DEPTOR: variants seen among roughly 807,000 people sequenced by gnomAD.
DEPTOR encodes the protein DEP domain containing MTOR interacting protein.
In DEPTOR, 41 loss-of-function variants were observed where a neutral mutation model predicts 41.6. The observed-to-expected ratio is 0.98, with a 90% CI of 0.77 to 1.28. The LOEUF (loss-of-function observed/expected upper bound fraction) is 1.28, where lower values mean the gene tolerates loss of function less well. DEPTOR is among the 50% of genes most tolerant of loss of function. DEPTOR has a pLI of 0.00. For missense variants in DEPTOR, 514 were observed against 527.9 expected, an observed-to-expected ratio of 0.97 and a Z score of 0.26; for synonymous variants, 195 against 192.3, an observed-to-expected ratio of 1.01 and a Z score of -0.12.
chr8:120,015,270 C>CCTGCCTAGGGCTGA (rs1812591670), intron 8 of DEPTOR, among the ~76,000 whole-genome samples: 5 of 152,156 alleles, frequency 3.3e-5, no homozygotes, highest in Non-Finnish European at 7.3e-5. Flanking sequence ...TAGCTGGTTC[C>CCTGCCTAGGGCTGA]ATTGTTGTCC....
chr8:119,949,745 TC>T (rs1293929097), intron 3 of DEPTOR, among the ~76,000 whole-genome samples: 1 of 152,178 alleles, frequency 6.6e-6, no homozygotes, highest in Non-Finnish European at 1.5e-5. Context: ...AGTGGCGTGA[TC>T]TTGGCTGACT....
At chr8:120,027,702 G>C (rs1586664190) in intron 8 of DEPTOR, among the ~76,000 whole-genome samples, 1 of 149,760 alleles carries the variant, frequency 6.7e-6, no homozygotes, top group Non-Finnish European at 1.5e-5. Context: ...TGAGACTCCA[G>C]CTCAAAAAAA....
At chr8:119,964,628 G>A (rs1378945086) in intron 3 of DEPTOR, among the ~76,000 whole-genome samples, 1 of 151,532 alleles carries the variant, frequency 6.6e-6, no homozygotes, top group African/African-American at 2.4e-5. Flanking sequence ...AGAAATACTA[G>A]CTTTTTCAGA....
chr8:119,895,667 C>T (rs1827511342), intron 1 of DEPTOR, among the ~76,000 whole-genome samples: 1 of 152,150 alleles, frequency 6.6e-6, no homozygotes, highest in African/African-American at 2.4e-5. Context: ...TAGTCCCAGC[C>T]CACCCACAGC....
At chr8:119,877,539 A>G (rs979555733) in intron 1 of DEPTOR, among the ~76,000 whole-genome samples, 3 of 152,090 alleles carry the variant, frequency 2.0e-5, no homozygotes, top group Non-Finnish European at 4.4e-5. Context: ...TGCTTCACAC[A>G]CTCTCAGTTC....
chr8:119,893,817 A>G (rs1827480713), intron 1 of DEPTOR, among the ~76,000 whole-genome samples: 1 of 151,938 alleles, frequency 6.6e-6, no homozygotes, highest in African/African-American at 2.4e-5. Context: ...GATTCAGAAC[A>G]CTACTCTGTC....
At chr8:119,995,141 C>A (rs1292322931) in intron 4 of DEPTOR, among the ~76,000 whole-genome samples, 1 of 152,120 alleles carries the variant, frequency 6.6e-6, no homozygotes, top group Non-Finnish European at 1.5e-5. Flanking sequence ...TGCCATATCT[C>A]TTACATAAAT....
intron 1 of DEPTOR, among the ~76,000 whole-genome samples, chr8:119,900,694 A>G (rs1026079768): frequency 6.6e-6 from 1 of 152,000 alleles, no homozygotes; most frequent in Non-Finnish European, 1.5e-5. Flanking sequence ...TGGACCTTAC[A>G]CTTTTTTTTC....
chr8:119,892,339 C>G (rs1364383757), intron 1 of DEPTOR, among the ~76,000 whole-genome samples: 1 of 152,140 alleles, frequency 6.6e-6, no homozygotes, highest in Non-Finnish European at 1.5e-5. Flanking sequence ...TATTTTTCTC[C>G]ACTATTAATA....
chr8:119,885,504 T>G (rs1471840445), intron 1 of DEPTOR, among the ~76,000 whole-genome samples: 1 of 152,202 alleles, frequency 6.6e-6, no homozygotes, highest in Non-Finnish European at 1.5e-5. Flanking sequence ...AAATAAATTC[T>G]AACGGTAGAA....
chr8:119,906,322 GGT>G (rs1563962234), intron 1 of DEPTOR, among the ~76,000 whole-genome samples: 1 of 151,812 alleles, frequency 6.6e-6, no homozygotes, highest in Non-Finnish European at 1.5e-5. Context: ...CGGGTATGGT[GGT>G]GCATGTCTGT....
intron 1 of DEPTOR, among the ~76,000 whole-genome samples, chr8:119,881,477 T>C (rs1827295637): frequency 6.6e-6 from 1 of 150,950 alleles, no homozygotes; most frequent in Non-Finnish European, 1.5e-5. Flanking sequence ...TGAGCTGAGA[T>C]GGCACCACTG....
intron 1 of DEPTOR, among the ~76,000 whole-genome samples, chr8:119,900,581 G>C (rs371945936): frequency 4.6e-5 from 7 of 151,486 alleles, no homozygotes; most frequent in African/African-American, 1.7e-4. Flanking sequence ...GAATGACAAG[G>C]TCTCACTATG....
chr8:119,926,245 G>T (rs182578472), intron 1 of DEPTOR, among the ~76,000 whole-genome samples: 309 of 152,252 alleles, frequency 2.0e-3, no homozygotes, highest in African/African-American at 7.1e-3. Context: ...AAGCACATGG[G>T]TTGAAGTATC....
At chr8:119,965,163 C>T in intron 3 of DEPTOR, 69 bp from the exon 4 acceptor site, 2 of 1,488,512 alleles carry the variant, frequency 1.3e-6, no homozygotes, top group Non-Finnish European at 1.8e-6. Context: ...TCATGGAAAT[C>T]TATGATTTCA....
intron 1 of DEPTOR, among the ~76,000 whole-genome samples, chr8:119,923,747 A>T (rs192937440): frequency 6.6e-6 from 1 of 151,842 alleles, no homozygotes; most frequent in African/African-American, 2.4e-5. Context: ...TGTTCTTTTT[A>T]AATTGTTTTA....
chr8:120,034,264 T>TACATACACACACACAC (rs1554587415), intron 8 of DEPTOR, among the ~76,000 whole-genome samples: 1 of 145,376 alleles, frequency 6.9e-6, no homozygotes, highest in Non-Finnish European at 1.5e-5. Flanking sequence ...GCAAAGCATG[T>TACATACACACACACAC]ACACACACAC....
At chr8:120,000,311 GC>G (rs963764250) in intron 4 of DEPTOR, among the ~76,000 whole-genome samples, 1 of 151,826 alleles carries the variant, frequency 6.6e-6, no homozygotes, top group Non-Finnish European at 1.5e-5. Context: ...CAACCCCAAG[GC>G]CCCCCTCCAG....
chr8:119,952,401 T>G (rs1307923330), intron 3 of DEPTOR, among the ~76,000 whole-genome samples: 1 of 152,084 alleles, frequency 6.6e-6, no homozygotes, highest in Non-Finnish European at 1.5e-5. Flanking sequence ...AGGCCTGGAG[T>G]TGGATTTCAG....
Sources: gnomAD v4.1 joint callset for allele counts (sites outside exome capture counted in the v4.1 genomes callset) on GRCh38, gnomAD v4.1.1 for gene constraint, MANE v1.5 for transcripts, NCBI Gene and HGNC (gene_info 2026-07-23, HGNC 2026-07-21) for gene names.